Variants in BCAR3 observed in about 807,000 individuals in gnomAD.
BCAR3 encodes breast cancer anti-estrogen resistance protein 3.
Under a neutral mutation model 80.1 loss-of-function variants are expected in BCAR3, and 37 were observed. The observed-to-expected ratio is 0.46, with a 90% CI of 0.36 to 0.61. The LOEUF (loss-of-function observed/expected upper bound fraction) is 0.61. Ranked by LOEUF, BCAR3 falls within the 20% of genes least tolerant of loss-of-function variation. The pLI, the probability that BCAR3 is intolerant of heterozygous loss-of-function variation, is 0.00. For missense variants in BCAR3, 978 were observed against 1,068.2 expected (o/e 0.92, Z 1.18); for synonymous variants, 389 against 418.9 (o/e 0.93, Z 0.87).
chr1:93,565,390 C>T (rs1672903175), intron 11 of BCAR3, among the ~76,000 whole-genome samples: 1 of 152,162 alleles, frequency 6.6e-6, no homozygotes, highest in African/African-American at 2.4e-5. Flanking sequence ...CCTATTCATA[C>T]ATGCTTTGAG....
At chr1:93,743,274 T>C (rs1350837330) in intron 2 of BCAR3, among the ~76,000 whole-genome samples, 1 of 152,180 alleles carries the variant, frequency 6.6e-6, no homozygotes, top group Non-Finnish European at 1.5e-5. Context: ...GAATGAGAAA[T>C]AGACCATAAA....
At chr1:93,675,729 A>T (rs1648446313) in intron 1 of BCAR3, among the ~76,000 whole-genome samples, 1 of 152,102 alleles carries the variant, frequency 6.6e-6, no homozygotes, top group Admixed American at 6.5e-5. Context: ...AAGCATGGAA[A>T]GGGAAAGGAG....
chr1:93,667,913 C>G (rs1648002844), intron 2 of BCAR3, among the ~76,000 whole-genome samples: 1 of 152,214 alleles, frequency 6.6e-6, no homozygotes, highest in Admixed American at 6.5e-5. Flanking sequence ...ACTAAGACTT[C>G]TCCAGCTTGT....
chr1:93,847,924 A>G, upstream of BCAR3: 3 of 246,286 alleles, frequency 1.2e-5, no homozygotes, highest in South Asian at 1.3e-4. Flanking sequence ...GGCGGCGGCG[A>G]AGGAAAAGCG....
In BCAR3 at chr1:93,768,324, C is replaced by T. The variant is rs562270470; in HGVS notation, c.-62-62182G>A. Among the ~76,000 whole-genome samples, 12 of 152,036 alleles carry T rather than the reference C, an allele frequency of 7.9e-5. No homozygotes were observed. The East Asian group carries it at 2.1e-3, about 27-fold the overall frequency. ...CCAACAAAAAGCAGGTATATAAATA[C>T]GAAGCAATCAACAGTAGAATCCATG... is the stretch of plus-strand genomic sequence containing the variant. On this transcript the variant is annotated intron_variant, in intron 2 of 13. Transcript: ENST00000370244.
At chr1:93,783,630 A>G (rs74101544) in intron 2 of BCAR3, among the ~76,000 whole-genome samples, 20,451 of 152,178 alleles carry the variant, frequency 0.13, 2,134 homozygotes, top group African/African-American at 0.28. Context: ...AGCGACTCAT[A>G]AATGTTGAGG....
chr1:93,790,651 A>ATG (rs10627954), intron 2 of BCAR3, among the ~76,000 whole-genome samples: 18,850 of 83,218 alleles, frequency 0.23, 2,598 homozygotes, highest in African/African-American at 0.41. Flanking sequence ...TTTTTTCTTA[A>ATG]TTTTTTTTTT....
At position 93,576,045 on chromosome 1, in the gene BCAR3, C is replaced by T. The variant is rs776017261; in HGVS notation, c.1771G>A (p.Gly591Arg). 3.1e-5 allele frequency: 50 copies of T among 1,613,998 alleles called. No individual in the cohort carries two copies. The highest frequency in any genetic ancestry group is 4.0e-5 in the African/African-American group (3 of 74,890). The change falls in exon 8 of 12, where the codon GGA becomes AGA. Residue 591 changes from glycine (G) to arginine (R), a missense_variant. Gly to Arg is a moderately radical substitution (Grantham distance 125, BLOSUM62 -2). Transcript: ENST00000260502. ...SGLELITLPH[G>R]HQLRLDIIER... ...ATTATGTCCAGGCGCAGCTGGTGTC[C>T]GTGAGGCAAGGTAATGAGTTCCAGG...
In BCAR3 at chr1:93,592,248, G is replaced by A; in HGVS notation, c.486+17C>T. 2 of 1,613,380 alleles carry A rather than the reference G, an allele frequency of 1.2e-6. No individual in the cohort carries two copies. The highest frequency in any genetic ancestry group is 1.7e-6 in the Non-Finnish European group (2 of 1,180,006). The stretch of plus-strand genomic sequence containing the variant: ...GAGAGCAGCCGTGTATGCTCTGGAA[G>A]GGACAAGACCAGGTACCTGTCGGGG... On this transcript the variant is annotated intron_variant, in intron 4 of 11. Transcript: ENST00000260502. The surrounding 1 kb of genome is among the most constrained non-coding windows in gnomAD (Gnocchi z 4.8).
At chr1:93,564,830 C>CTAT (rs910347244) in intron 11 of BCAR3, among the ~76,000 whole-genome samples, 15 of 152,116 alleles carry the variant, frequency 9.9e-5, no homozygotes, top group African/African-American at 3.4e-4. Flanking sequence ...ATGTGTGGGC[C>CTAT]TATTTCTTAA....
intron 2 of BCAR3, among the ~76,000 whole-genome samples, chr1:93,745,118 CAA>C (rs769083940): frequency 3.3e-4 from 50 of 152,210 alleles, no homozygotes; most frequent in Non-Finnish European, 2.5e-4. Flanking sequence ...CAGACTCTTT[CAA>C]AGAGTCAGTG....
At chr1:93,696,849 C>A (rs1216415513) in intron 3 of BCAR3, among the ~76,000 whole-genome samples, 2 of 152,264 alleles carry the variant, frequency 1.3e-5, no homozygotes, top group African/African-American at 4.8e-5. Context: ...TGGGTTGGCA[C>A]TTCTCAAGCG....
rs1467461535 is a variant in BCAR3, at chr1:93,586,919, C to T, written c.929+2058G>A. ...CCTCCCTAGTAGCTGGGACTACAGG[C>T]GTGCACCACCACACCTGGTTAATTT... On this transcript the variant is annotated intron_variant, in intron 5 of 11. Coordinates refer to ENST00000260502, the MANE Select transcript of BCAR3 (RefSeq NM_003567.4). The surrounding 1 kb of genome is among the most constrained non-coding windows in gnomAD (Gnocchi z 4.2). Among the ~76,000 whole-genome samples the T allele has an allele frequency of 2.0e-5, 3 of 152,164 alleles. No homozygotes were observed. Among genetic ancestry groups the T allele is most frequent in the African/African-American group, 2.4e-5 (1 of 41,442 alleles).
At chr1:93,799,626 C>T (rs60546652) in intron 2 of BCAR3, among the ~76,000 whole-genome samples, 21,538 of 152,190 alleles carry the variant, frequency 0.14, 2,487 homozygotes, top group African/African-American at 0.31. Context: ...TGTCTTGTTT[C>T]AGCTAATTGT....
intron 2 of BCAR3, among the ~76,000 whole-genome samples, chr1:93,661,544 A>G (rs888420128): frequency 6.6e-6 from 1 of 151,230 alleles, no homozygotes; most frequent in Non-Finnish European, 1.5e-5. Flanking sequence ...CTGGATTACA[A>G]TGGTGCAATC....
At position 93,598,700 on chromosome 1, in the gene BCAR3, G is replaced by GC. The variant is rs575160950; in HGVS notation, c.358-6308dup. On this transcript the variant is annotated intron_variant, in intron 3 of 11. Coordinates refer to ENST00000260502, the MANE Select transcript of BCAR3 (RefSeq NM_003567.4). ...TGTCCCTCCCAGCTTGGCAGCCGGG[G>GC]CAAGTTACCCCACCTCTTTGTCCTT... Among the ~76,000 whole-genome samples, 116 of 152,288 alleles carry GC rather than the reference G, an allele frequency of 7.6e-4. 1 individual carries two copies. Among genetic ancestry groups the GC allele is most frequent in the African/African-American group, 2.6e-3 (110 of 41,566 alleles).
At chr1:93,664,105 A>G (rs1042307227) in intron 2 of BCAR3, among the ~76,000 whole-genome samples, 18 of 152,116 alleles carry the variant, frequency 1.2e-4, no homozygotes, top group Non-Finnish European at 2.9e-5. Flanking sequence ...CTTTCATTTC[A>G]ACAGCGAGTT....
chr1:93,729,381 C>T (rs776380255), intron 2 of BCAR3, among the ~76,000 whole-genome samples: 36 of 152,092 alleles, frequency 2.4e-4, no homozygotes, highest in Non-Finnish European at 3.7e-4. Flanking sequence ...TTATTAAATA[C>T]TGTACTGAAA....
chr1:93,674,189 G>T (rs1648352465), intron 2 of BCAR3, among the ~76,000 whole-genome samples: 1 of 152,186 alleles, frequency 6.6e-6, no homozygotes, highest in Non-Finnish European at 1.5e-5. Context: ...GCCTTGAGCT[G>T]GTAACTGTTG....
Sources: allele counts gnomAD v4.1 joint callset (sites outside exome capture counted in the v4.1 genomes callset), GRCh38; gene constraint gnomAD v4.1.1; non-coding constraint Gnocchi (gnomAD v3.1); transcripts MANE v1.5; gene names NCBI Gene and HGNC (gene_info 2026-07-23, HGNC 2026-07-21).